Variants in ZNF721 observed in about 807,000 individuals in gnomAD.
ZNF721 encodes zinc finger protein 721.
Under a neutral mutation model 2.4 loss-of-function variants are expected in ZNF721, and 2 were observed. The ratio of observed to expected loss-of-function variants is 0.82; its 90% CI spans 0.34 to 2.58. The LOEUF (loss-of-function observed/expected upper bound fraction) is 2.58. Ranked by LOEUF, ZNF721 falls within the 30% of genes most tolerant of loss-of-function variation. The pLI is 0.11. For missense variants in ZNF721, 1,187 were observed against 1,085.5 expected (o/e 1.09, Z -1.31); for synonymous variants, 398 against 381.8 (o/e 1.04, Z -0.50).
chr4:488,828 CA>C (rs1157820149), intron 1 of ZNF721, among the ~76,000 whole-genome samples: 4 of 148,792 alleles, frequency 2.7e-5, no homozygotes, highest in Non-Finnish European at 6.0e-5. Flanking sequence ...TACTCCATCT[CA>C]AAAAAAAATA....
At chr4:494,773 A>G (rs1716107274) in intron 1 of ZNF721, among the ~76,000 whole-genome samples, 1 of 152,166 alleles carries the variant, frequency 6.6e-6, no homozygotes, top group African/African-American at 2.4e-5. Context: ...GACCAGTTTT[A>G]TTTAGATAGG....
intron 2 of ZNF721, among the ~76,000 whole-genome samples, chr4:469,696 A>G (rs529704378): frequency 1.3e-5 from 2 of 152,204 alleles, no homozygotes; most frequent in African/African-American, 2.4e-5. Context: ...TGTAGTAAGC[A>G]AAAGAGTATG....
intron 1 of ZNF721, among the ~76,000 whole-genome samples, chr4:481,571 CTTTCTT>C (rs1475599300): frequency 2.1e-5 from 3 of 140,212 alleles, no homozygotes; most frequent in African/African-American, 5.4e-5. Context: ...TTGTTCTTTT[CTTTCTT>C]TTTTTTTTTT....
rs1339392128 is a variant in ZNF721 at position 441,311 on chromosome 4, CAT to C, written c.*382_*383del. 1 of 167,374 alleles carries C rather than the reference CAT, an allele frequency of 6.0e-6. No individual in the cohort carries two copies. Among genetic ancestry groups the C allele is most frequent in the African/African-American group, 2.4e-5 (1 of 41,796 alleles). The allele number at this position is 167,374 out of a possible 1,614,324, so 10.4% of individuals were successfully genotyped here. ...TTTTATGTTTGTACAAGTAGTCTCA[CAT>C]ATAAATACTATCATGTGCAAAAATG... On this transcript the variant is annotated 3_prime_UTR_variant, in exon 3 of 3. Transcript: ENST00000511833.
At chr4:479,372 C>G (rs1715716917) in intron 1 of ZNF721, among the ~76,000 whole-genome samples, 1 of 152,204 alleles carries the variant, frequency 6.6e-6, no homozygotes, top group South Asian at 2.1e-4. Context: ...AGCCCTCAGC[C>G]AGCCACTGCC....
chr4:478,873 G>A (rs1009394571), intron 1 of ZNF721, among the ~76,000 whole-genome samples: 2 of 151,268 alleles, frequency 1.3e-5, no homozygotes, highest in African/African-American at 2.4e-5. Flanking sequence ...GGGTTCAAGC[G>A]ATTCTCCTGC....
Position 442,418 on chromosome 4 carries a change from G to A in ZNF721, c.2049C>T (p.Ala683=). The change falls in exon 3 of 3, where the codon GCC becomes GCT. Residue 683 remains alanine (A), a synonymous_variant. Coordinates refer to ENST00000511833, the MANE Select transcript of ZNF721 (RefSeq NM_133474.4). ...TATGAATTTTCTTGTGTTGATTCAG[G>A]GCTATGGACCATCCAAAGGCTTTGC... ...ECGKAFGWSI[A]LNQHKKIHTG... The A allele has an allele frequency of 6.2e-7, 1 of 1,613,798 alleles. No individual in the cohort carries two copies. The highest frequency in any genetic ancestry group is 8.5e-7 in the Non-Finnish European group (1 of 1,179,854).
chr4:495,348 A>G (rs1233066058), intron 1 of ZNF721, among the ~76,000 whole-genome samples: 6 of 150,686 alleles, frequency 4.0e-5, no homozygotes, highest in Non-Finnish European at 7.4e-5. Context: ...AAAAAAAAAA[A>G]GACAAGGTCC....
At chr4:483,863 G>C (rs544513516) in intron 1 of ZNF721, among the ~76,000 whole-genome samples, 3 of 152,284 alleles carry the variant, frequency 2.0e-5, no homozygotes, top group Admixed American at 2.0e-4. Flanking sequence ...CCAGGCTGGA[G>C]TGCAGTGGCA....
chr4:486,629 A>C (rs1715904428), intron 1 of ZNF721, among the ~76,000 whole-genome samples: 2 of 152,374 alleles, frequency 1.3e-5, no homozygotes, highest in South Asian at 4.1e-4. Flanking sequence ...TACAGAGCAA[A>C]AGTTGATTCA....
At chr4:457,083 G>T (rs376823246) in intron 2 of ZNF721, among the ~76,000 whole-genome samples, 3 of 152,078 alleles carry the variant, frequency 2.0e-5, no homozygotes, top group East Asian at 3.9e-4. Flanking sequence ...ATCCTTACAT[G>T]CAAAGAAAAT....
intron 2 of ZNF721, among the ~76,000 whole-genome samples, chr4:469,089 T>A (rs1401073138): frequency 2.0e-5 from 3 of 152,172 alleles, no homozygotes; most frequent in African/African-American, 7.2e-5. Context: ...AACATGTAAA[T>A]ACTTGCAGGT....
rs377359107 is a variant in ZNF721, at chr4:444,296, G to A, written c.171C>T (p.Asn57=). 8 of 1,613,850 alleles carry A rather than the reference G, an allele frequency of 5.0e-6. No individual in the cohort carries two copies. The highest frequency in any genetic ancestry group is 1.3e-5 in the African/African-American group (1 of 74,898). Reference sequence around the variant, plus strand: ...AAACTCCCTTCTGCACTTTACACACGTTCATACTTTTACAGCCTTTCCTTA... The same window carrying A: ...AAACTCCCTTCTGCACTTTACACACATTCATACTTTTACAGCCTTTCCTTA... The part of the protein sequence containing the change: ...LQLRKGCKSM[N]VCKVQKGVYN... Residue 57 remains asparagine, a synonymous_variant, in exon 3 of 3, where the codon AAC becomes AAT. Coordinates refer to ENST00000511833, the MANE Select transcript of ZNF721 (RefSeq NM_133474.4).
chr4:450,577 G>A (rs929479771), intron 2 of ZNF721, among the ~76,000 whole-genome samples: 4 of 151,924 alleles, frequency 2.6e-5, no homozygotes, highest in Admixed American at 6.6e-5. Flanking sequence ...CCACATCACT[G>A]TATAAAAAAT....
intron 1 of ZNF721, among the ~76,000 whole-genome samples, chr4:473,209 G>A (rs1553868025): frequency 6.6e-6 from 1 of 152,102 alleles, no homozygotes; most frequent in African/African-American, 2.4e-5. Flanking sequence ...GATGTTAAAG[G>A]CCTCACTGTA....
intron 2 of ZNF721, among the ~76,000 whole-genome samples, chr4:445,969 G>GA (rs1426198858): frequency 1.2e-4 from 18 of 151,008 alleles, no homozygotes; most frequent in African/African-American, 2.4e-4. Flanking sequence ...AGATGCTGGA[G>GA]AAAAAAAAAT....
At chr4:476,121 C>A (rs1648502490) in intron 1 of ZNF721, among the ~76,000 whole-genome samples, 2 of 152,202 alleles carry the variant, frequency 1.3e-5, no homozygotes, top group African/African-American at 4.8e-5. Context: ...GCTTCAGTCA[C>A]CCTTCTTGCA....
intron 2 of ZNF721, among the ~76,000 whole-genome samples, chr4:468,725 C>A (rs776418258): frequency 6.6e-6 from 1 of 152,170 alleles, no homozygotes. Context: ...ATCTCATCAG[C>A]CTGGGGACCC....
chr4:474,416 A>C (rs1392643306), intron 1 of ZNF721, among the ~76,000 whole-genome samples: 4 of 152,068 alleles, frequency 2.6e-5, no homozygotes, highest in African/African-American at 9.7e-5. Flanking sequence ...ACGTTACGTC[A>C]ATTTATAAAT....
Sources: allele counts gnomAD v4.1 joint callset (sites outside exome capture counted in the v4.1 genomes callset), GRCh38; gene constraint gnomAD v4.1.1; transcripts MANE v1.5; gene names NCBI Gene and HGNC (gene_info 2026-07-23, HGNC 2026-07-21).